Variants in DOCK9 observed in about 807,000 individuals in gnomAD.
DOCK9 encodes the protein dedicator of cytokinesis protein 9.
In DOCK9, 89 loss-of-function variants were observed where a neutral mutation model predicts 263.3. The ratio of observed to expected loss-of-function variants is 0.34; its 90% CI spans 0.28 to 0.40. The LOEUF (loss-of-function observed/expected upper bound fraction) is 0.40. Among genes scored for constraint, DOCK9 ranks in the 10% least tolerant of loss-of-function variants. DOCK9 has a pLI of 1.00. For missense variants in DOCK9, 2,140 were observed against 2,603.4 expected, an observed-to-expected ratio of 0.82 and a Z score of 3.87; for synonymous variants, 976 against 973.1, an observed-to-expected ratio of 1.00 and a Z score of -0.06.
chr13:98,970,147 A>ACCC (rs397696346), intron 1 of DOCK9, among the ~76,000 whole-genome samples: 6 of 150,796 alleles, frequency 4.0e-5, no homozygotes, highest in Non-Finnish European at 7.4e-5. Context: ...GGTCTGCCCC[A>ACCC]AGCTGGGTTA....
chr13:98,842,085 A>G (rs1333837615), intron 38 of DOCK9, among the ~76,000 whole-genome samples: 3 of 152,208 alleles, frequency 2.0e-5, no homozygotes, highest in Admixed American at 6.5e-5. Context: ...TATTTTTCAT[A>G]TTAATTCAAT....
chr13:98,910,940 T>C lies in DOCK9; in HGVS notation c.960+3388A>G, dbSNP rs572463825. On this transcript the variant is annotated intron_variant, in intron 9 of 52. Transcript: ENST00000682017. ...TCCTTCCTAATGGGATGACCAACAG[T>C]TATCAGGTCAACTTCTTTGCCTTCT... Among the ~76,000 whole-genome samples the C allele has an allele frequency of 2.6e-5, 4 of 152,066 alleles. No homozygotes were observed. The South Asian group carries it at 6.2e-4, about 24-fold the overall frequency.
At chr13:98,971,517 C>A (rs1421655266) in intron 1 of DOCK9, among the ~76,000 whole-genome samples, 1 of 66,498 alleles carries the variant, frequency 1.5e-5, no homozygotes, top group African/African-American at 8.4e-5. Context: ...ACCATCCTGG[C>A]TAACACGGTG....
At position 99,045,193 on chromosome 13, in the gene DOCK9, C is replaced by T. The variant is rs527332493; in HGVS notation, c.129+41030G>A. 3.3e-5 allele frequency among the ~76,000 whole-genome samples: 5 copies of T among 152,270 alleles called. No individual in the cohort carries two copies. In the South Asian group the frequency reaches 6.2e-4, roughly 19 times the overall value. ...AGAAAATGAAATCGCTGTGTCAAAG[C>T]GATATCTGCACTCCCATGTTCATGG... On this transcript the variant is annotated intron_variant, in intron 1 of 32. Coordinates refer to the DOCK9 transcript ENST00000427887.
rs1202171719 is a variant in DOCK9 at position 98,941,825 on chromosome 13, T to TAAC, written c.244-11569_244-11568insGTT. Among the ~76,000 whole-genome samples the TAAC allele has an allele frequency of 7.9e-5, 12 of 152,294 alleles. No homozygotes were observed. The East Asian group carries it at 2.3e-3, about 29-fold the overall frequency. On this transcript the variant is annotated intron_variant, in intron 2 of 52. Coordinates refer to ENST00000682017, the MANE Select transcript of DOCK9 (RefSeq NM_001366683.2). The stretch of plus-strand genomic sequence containing the variant: ...TCCCTAGAGGCGAGAATAGAGGCTG[T>TAAC]AATAAGCTCCCTAGTAACCTGGCGT...
At chr13:98,804,469 T>G in intron 49 of DOCK9, among the ~76,000 whole-genome samples, 1 of 152,210 alleles carries the variant, frequency 6.6e-6, no homozygotes, top group East Asian at 1.9e-4. Context: ...GGATAGCCAC[T>G]GAATGCAGTG....
chr13:98,835,163 T>C (rs565059643), intron 39 of DOCK9, among the ~76,000 whole-genome samples: 7 of 152,320 alleles, frequency 4.6e-5, no homozygotes, highest in East Asian at 1.9e-4. Flanking sequence ...TATTAGGAGA[T>C]TGATTTCTGG....
At chr13:98,822,269 T>C (rs1009686030) in intron 45 of DOCK9, among the ~76,000 whole-genome samples, 3 of 152,226 alleles carry the variant, frequency 2.0e-5, no homozygotes, top group African/African-American at 7.2e-5. Flanking sequence ...TAGAGGGGAC[T>C]CCATTCACAA....
intron 2 of DOCK9, among the ~76,000 whole-genome samples, chr13:98,942,699 T>C (rs9517497): frequency 0.42 from 63,505 of 152,034 alleles, 13,618 homozygotes; most frequent in East Asian, 0.56. Flanking sequence ...TGGGTGACTT[T>C]GTCCTTGTGC....
At chr13:98,854,960 T>C (rs1401274305) in intron 34 of DOCK9, among the ~76,000 whole-genome samples, 3 of 152,142 alleles carry the variant, frequency 2.0e-5, no homozygotes, top group East Asian at 1.9e-4. Context: ...CAGCTGTTTA[T>C]TGGGATGGGC....
At chr13:99,064,593 A>T (rs2142317973) in intron 1 of DOCK9, among the ~76,000 whole-genome samples, 1 of 152,318 alleles carries the variant, frequency 6.6e-6, no homozygotes, top group Middle Eastern at 3.4e-3. Context: ...ATAACAAAAT[A>T]AATTACCTAA....
chr13:98,901,012 T>C (rs939417796), intron 13 of DOCK9, among the ~76,000 whole-genome samples: 22 of 152,138 alleles, frequency 1.4e-4, no homozygotes, highest in African/African-American at 3.9e-4. Flanking sequence ...ACTAAAAATA[T>C]GTAAAACTGG....
chr13:98,961,464 A>C (rs1188881044), intron 1 of DOCK9, among the ~76,000 whole-genome samples: 1 of 152,182 alleles, frequency 6.6e-6, no homozygotes, highest in Non-Finnish European at 1.5e-5. Context: ...CAAATGTGGC[A>C]ATGCAGCAAA....
intron 2 of DOCK9, among the ~76,000 whole-genome samples, chr13:98,949,011 A>G (rs1277653986): frequency 2.6e-5 from 4 of 152,188 alleles, no homozygotes; most frequent in Non-Finnish European, 5.9e-5. Flanking sequence ...TGATCTCAAT[A>G]GGGGTGAACA....
intron 2 of DOCK9, among the ~76,000 whole-genome samples, chr13:98,954,863 T>TACACACACAC (rs71719426): frequency 0.052 from 7,602 of 146,486 alleles, 241 homozygotes; most frequent in Middle Eastern, 0.12. Flanking sequence ...TTATTCAAGA[T>TACACACACAC]ACACACACAC....
At chr13:98,966,353 G>A (rs2059195220) in intron 1 of DOCK9, among the ~76,000 whole-genome samples, 2 of 152,206 alleles carry the variant, frequency 1.3e-5, no homozygotes, top group African/African-American at 2.4e-5. Context: ...CCTGCAGTGG[G>A]CCCAGCATGT....
At chr13:98,944,953 A>T (rs559995396) in intron 2 of DOCK9, among the ~76,000 whole-genome samples, 2 of 152,362 alleles carry the variant, frequency 1.3e-5, no homozygotes, top group Non-Finnish European at 2.9e-5. Context: ...GTTTAGGAAA[A>T]TAACACTGAA....
intron 1 of DOCK9, among the ~76,000 whole-genome samples, chr13:99,022,400 A>T (rs777431235): frequency 1.3e-5 from 2 of 152,254 alleles, no homozygotes; most frequent in Non-Finnish European, 2.9e-5. Flanking sequence ...AAAAGTAGAG[A>T]ACGCAAAAGA....
intron 9 of DOCK9, among the ~76,000 whole-genome samples, chr13:98,906,007 T>C (rs192074058): frequency 2.1e-3 from 320 of 152,232 alleles, no homozygotes; most frequent in African/African-American, 7.5e-3. Flanking sequence ...CATTTCTAGC[T>C]TGGGCAGCCT....
Sources: gnomAD v4.1 joint callset for allele counts (sites outside exome capture counted in the v4.1 genomes callset) on GRCh38, gnomAD v4.1.1 for gene constraint, MANE v1.5 for transcripts, NCBI Gene and HGNC (gene_info 2026-07-23, HGNC 2026-07-21) for gene names.